DCC: variants seen among roughly 807,000 people sequenced by gnomAD.
DCC encodes the protein netrin receptor DCC.
In DCC, 58 loss-of-function variants were observed where a neutral mutation model predicts 172.5. The observed-to-expected ratio is 0.34, with a 90% CI of 0.27 to 0.42. The LOEUF (loss-of-function observed/expected upper bound fraction) is 0.42, where lower values mean the gene tolerates loss of function less well. DCC is among the 10% of genes least tolerant of loss of function. The probability of loss-of-function intolerance (pLI) is 1.00; values close to 1 mark genes in which losing one functional copy is unlikely to be tolerated. For missense variants in DCC, 1,740 were observed against 1,791.0 expected (o/e 0.97, Z 0.51); for synonymous variants, 709 against 644.5 (o/e 1.10, Z -1.52).
At chr18:53,300,916 A>G (rs547231503) in intron 12 of DCC, among the ~76,000 whole-genome samples, 3 of 108,172 alleles carry the variant, frequency 2.8e-5, no homozygotes, top group African/African-American at 8.7e-5. Flanking sequence ...AAGCAGGGAC[A>G]GGGAGGTCCT....
At position 52,774,329 on chromosome 18, in the gene DCC, G is replaced by A. The variant is rs375519351; in HGVS notation, c.412+21955G>A. Among the ~76,000 whole-genome samples the A allele has an allele frequency of 1.2e-4, 19 of 152,258 alleles. No individual in the cohort carries two copies. The East Asian group carries it at 3.1e-3, about 25-fold the overall frequency. On this transcript the variant is annotated intron_variant, in intron 2 of 28. Transcript: ENST00000442544. ...GGCCCAGTTTGATTGCAGTTGATGT[G>A]GCCGGCTGAATGTTGAAGACGCTTC...
At chr18:53,037,257 A>G (rs2042107188) in intron 5 of DCC, among the ~76,000 whole-genome samples, 1 of 152,044 alleles carries the variant, frequency 6.6e-6, no homozygotes, top group Non-Finnish European at 1.5e-5. Flanking sequence ...AAGTCCACCT[A>G]GGAAAATTTG....
intron 2 of DCC, among the ~76,000 whole-genome samples, chr18:52,889,615 CA>C (rs2039619798): frequency 6.6e-6 from 1 of 152,058 alleles, no homozygotes; most frequent in South Asian, 2.1e-4. Flanking sequence ...AGTCACTTTA[CA>C]AAATATAGAG....
intron 21 of DCC, among the ~76,000 whole-genome samples, chr18:53,424,804 T>C (rs1005208773): frequency 2.0e-5 from 3 of 152,198 alleles, no homozygotes; most frequent in Admixed American, 6.5e-5. Context: ...TGCAGAGTAG[T>C]ACCTTATGGC....
chr18:52,981,010 C>G (rs1217860406), intron 5 of DCC, among the ~76,000 whole-genome samples: 1 of 150,146 alleles, frequency 6.7e-6, no homozygotes, highest in Non-Finnish European at 1.5e-5. Flanking sequence ...CGGTATTTTC[C>G]AAATTTGAGC....
rs141872035 is a variant in DCC at position 52,933,010 on chromosome 18, T to C, written c.985+7640T>C. Among the ~76,000 whole-genome samples, 8 of 152,236 alleles carry C rather than the reference T, an allele frequency of 5.3e-5. No homozygotes were observed. In the East Asian group the frequency reaches 7.7e-4, roughly 15 times the overall value. ...GATTTAAGAAGAGGCCAAATAAAGATATATGGGTGAAGTTAAATACCCCTG... is the reference window on the plus strand; with the variant it reads ...GATTTAAGAAGAGGCCAAATAAAGACATATGGGTGAAGTTAAATACCCCTG... On this transcript the variant is annotated intron_variant, in intron 5 of 28. Coordinates refer to ENST00000442544, the MANE Select transcript of DCC (RefSeq NM_005215.4).
At chr18:53,040,156 T>A (rs914202755) in intron 5 of DCC, among the ~76,000 whole-genome samples, 1 of 152,006 alleles carries the variant, frequency 6.6e-6, no homozygotes, top group Non-Finnish European at 1.5e-5. Flanking sequence ...GTGACATGGA[T>A]AGAATGCAGA....
chr18:53,261,539 G>C (rs1193255415), intron 12 of DCC, among the ~76,000 whole-genome samples: 1 of 152,080 alleles, frequency 6.6e-6, no homozygotes, highest in Non-Finnish European at 1.5e-5. Flanking sequence ...TGCTTGTTTT[G>C]AGGTGGGCAG....
At chr18:52,838,257 T>C (rs1453521395) in intron 2 of DCC, among the ~76,000 whole-genome samples, 1 of 152,212 alleles carries the variant, frequency 6.6e-6, no homozygotes, top group African/African-American at 2.4e-5. Flanking sequence ...ACTTTTATAT[T>C]ATGAATTTTT....
chr18:53,150,138 T>C (rs954709876), intron 7 of DCC, among the ~76,000 whole-genome samples: 1 of 152,210 alleles, frequency 6.6e-6, no homozygotes, highest in African/African-American at 2.4e-5. Context: ...TATTTCCCCT[T>C]CTCCATTTGG....
intron 8 of DCC, among the ~76,000 whole-genome samples, chr18:53,170,808 GC>G (rs1370049915): frequency 6.6e-6 from 1 of 152,116 alleles, no homozygotes; most frequent in African/African-American, 2.4e-5. Flanking sequence ...GCCAGAAACA[GC>G]CCCCCTGACT....
In DCC at chr18:53,008,414, T is replaced by C. The variant is rs149615604; in HGVS notation, c.986-54891T>C. On this transcript the variant is annotated intron_variant, in intron 5 of 28. Coordinates refer to ENST00000442544, the MANE Select transcript of DCC (RefSeq NM_005215.4). ...TTTAAACATTTCCATTACTCCAAGA[T>C]ATGTTTCTGTCTGGTAGAATTTATC... 6.2e-3 allele frequency among the ~76,000 whole-genome samples: 944 copies of C among 152,196 alleles called. 5 individuals carry two copies. The highest frequency in any genetic ancestry group is 9.8e-3 in the Non-Finnish European group (668 of 67,948).
intron 5 of DCC, among the ~76,000 whole-genome samples, chr18:52,977,666 A>T (rs941300784): frequency 2.6e-5 from 4 of 152,008 alleles, no homozygotes; most frequent in Non-Finnish European, 4.4e-5. Context: ...CGGGTGGATC[A>T]TGAGGTCAGG....
chr18:52,738,993 T>C (rs935444674), intron 1 of DCC, among the ~76,000 whole-genome samples: 1 of 152,044 alleles, frequency 6.6e-6, no homozygotes, highest in Non-Finnish European at 1.5e-5. Flanking sequence ...AATGATCCTC[T>C]CACCTCGGCC....
At chr18:52,750,118 C>T (rs1008625726) in intron 1 of DCC, among the ~76,000 whole-genome samples, 2 of 152,162 alleles carry the variant, frequency 1.3e-5, no homozygotes, top group Admixed American at 1.3e-4. Flanking sequence ...GAGCAGGGTT[C>T]ATTTGACAGA....
At chr18:52,709,694 C>T (rs1450622998) in intron 1 of DCC, among the ~76,000 whole-genome samples, 3 of 152,136 alleles carry the variant, frequency 2.0e-5, no homozygotes, top group African/African-American at 7.2e-5. Context: ...ATTAATACAA[C>T]TACTAAGTTA....
intron 1 of DCC, among the ~76,000 whole-genome samples, chr18:52,527,621 A>G (rs2144677604): frequency 6.6e-6 from 1 of 152,326 alleles, no homozygotes; most frequent in East Asian, 1.9e-4. Flanking sequence ...TAGTATGTAT[A>G]TGTTGGAATG....
chr18:53,522,471 A>T (rs539368137), intron 27 of DCC, among the ~76,000 whole-genome samples: 1 of 152,256 alleles, frequency 6.6e-6, no homozygotes, highest in South Asian at 2.1e-4. Flanking sequence ...GACAGTCCTA[A>T]GCAAAAAGAA....
chr18:52,830,157 A>G (rs1473088286), intron 2 of DCC, among the ~76,000 whole-genome samples: 1 of 152,196 alleles, frequency 6.6e-6, no homozygotes, highest in African/African-American at 2.4e-5. Flanking sequence ...GAGATACAAT[A>G]GGAAGCCAAA....
Sources: allele counts gnomAD v4.1 joint callset (sites outside exome capture counted in the v4.1 genomes callset), GRCh38; gene constraint gnomAD v4.1.1; transcripts MANE v1.5; gene names NCBI Gene and HGNC (gene_info 2026-07-23, HGNC 2026-07-21).